RAP1A: variants seen among roughly 807,000 people sequenced by gnomAD.
The protein encoded by RAP1A is ras-related protein Rap-1A.
RAP1A carries 6 observed loss-of-function variants against 26.4 expected under a neutral mutation model. The ratio of observed to expected loss-of-function variants is 0.23; its 90% CI spans 0.12 to 0.45. The LOEUF is 0.45. Ranked by LOEUF, RAP1A falls within the 20% of genes least tolerant of loss-of-function variation. The pLI is 0.99. For synonymous variants in RAP1A, 73 were observed against 79.4 expected (o/e 0.92, Z 0.43); for missense variants, 121 against 217.2 (o/e 0.56, Z 2.78).
intron 1 of RAP1A, among the ~76,000 whole-genome samples, chr1:111,594,594 G>GAGGA (rs138889267): frequency 0.18 from 26,742 of 148,134 alleles, 3,073 homozygotes; most frequent in African/African-American, 0.33. Flanking sequence ...GGAAGGGAGG[G>GAGGA]AGGAAGGAAG....
At chr1:111,674,853 C>G (rs1661076014) in intron 1 of RAP1A, among the ~76,000 whole-genome samples, 1 of 152,194 alleles carries the variant, frequency 6.6e-6, no homozygotes, top group African/African-American at 2.4e-5. Context: ...ACTCGAGTTA[C>G]TGCAGTAGCT....
At chr1:111,587,584 A>G (rs1355061853) in intron 1 of RAP1A, among the ~76,000 whole-genome samples, 1 of 152,086 alleles carries the variant, frequency 6.6e-6, no homozygotes, top group African/African-American at 2.4e-5. Flanking sequence ...AAATATTATC[A>G]TCTCTAATCT....
chr1:111,580,272 C>T (rs1658229465), intron 1 of RAP1A, among the ~76,000 whole-genome samples: 3 of 152,100 alleles, frequency 2.0e-5, no homozygotes, highest in African/African-American at 7.2e-5. Flanking sequence ...ACAAAAGTGC[C>T]AAATATTTGC....
intron 1 of RAP1A, among the ~76,000 whole-genome samples, chr1:111,675,647 G>A (rs1221738153): frequency 1.3e-5 from 2 of 151,970 alleles, no homozygotes; most frequent in African/African-American, 4.8e-5. Flanking sequence ...TTGTTTCCTT[G>A]ACACCTAGTA....
chr1:111,595,753 G>T (rs1370593642), intron 1 of RAP1A, among the ~76,000 whole-genome samples: 1 of 152,122 alleles, frequency 6.6e-6, no homozygotes, highest in African/African-American at 2.4e-5. Flanking sequence ...TCCATCATTT[G>T]CCAAATAGCT....
At position 111,561,990 on chromosome 1, in the gene RAP1A, G is replaced by A. The variant is rs12760366; in HGVS notation, c.-28+19481G>A. 1.1e-3 allele frequency among the ~76,000 whole-genome samples: 173 copies of A among 152,114 alleles called. 2 individuals are homozygous for A. Among genetic ancestry groups the A allele is most frequent in the East Asian group, 2.7e-3 (14 of 5,174 alleles). ...ATCCCTAGTTTAAATTTCTGCTTAC[G>A]ATAGAATTCAAACCCTCCACACTCT... On this transcript the variant is annotated intron_variant, in intron 1 of 7. Transcript: ENST00000356415.
intron 1 of RAP1A, among the ~76,000 whole-genome samples, chr1:111,592,878 G>C (rs1014638888): frequency 5.3e-5 from 8 of 152,202 alleles, no homozygotes; most frequent in African/African-American, 1.9e-4. Flanking sequence ...TGGCTCTTCT[G>C]AGTAAAGTGG....
At position 111,709,060 on chromosome 1, in the gene RAP1A, A is replaced by G. The variant is rs564565915; in HGVS notation, c.469-89A>G. 16 of 1,435,714 alleles carry G rather than the reference A, an allele frequency of 1.1e-5. No homozygotes were observed. In the South Asian group the frequency reaches 2.5e-4, roughly 23 times the overall value. The allele number at this position is 1,435,714 out of a possible 1,614,324, so 88.9% of individuals were successfully genotyped here. A position where few individuals can be genotyped will look rare whatever the true frequency, so the allele number is the denominator to read the frequency against. Reference sequence around the variant, plus strand: ...AAGAAAGAAGCAGAATGCAGATCTAAGACCAGAATAGTACTTACCAGAATT... The same window carrying G: ...AAGAAAGAAGCAGAATGCAGATCTAGGACCAGAATAGTACTTACCAGAATT... On this transcript the variant is annotated intron_variant, in intron 6 of 7. Coordinates refer to ENST00000369709, the MANE Select transcript of RAP1A (RefSeq NM_002884.4).
At chr1:111,694,714 A>G (rs1661775081) in intron 2 of RAP1A, among the ~76,000 whole-genome samples, 1 of 152,238 alleles carries the variant, frequency 6.6e-6, no homozygotes, top group Admixed American at 6.5e-5. Context: ...TGAAATTTGA[A>G]TGTGGTTATA....
At position 111,572,781 on chromosome 1, in the gene RAP1A, G is replaced by C. The variant is rs144591878; in HGVS notation, c.-28+30272G>C. Among the ~76,000 whole-genome samples, 6 of 152,230 alleles carry C rather than the reference G, an allele frequency of 3.9e-5. No individual in the cohort carries two copies. The East Asian group carries it at 1.2e-3, about 29-fold the overall frequency. On this transcript the variant is annotated intron_variant, in intron 1 of 7. Transcript: ENST00000356415. ...TTATTTTAGGTTCGGGGGTACATGTGCAGGTTTGCTATATAGGTAAACTCG... is the reference window on the plus strand; with the variant it reads ...TTATTTTAGGTTCGGGGGTACATGTCCAGGTTTGCTATATAGGTAAACTCG...
chr1:111,619,723 G>T, upstream of RAP1A: 1 of 393,536 alleles, frequency 2.5e-6, no homozygotes, highest in South Asian at 1.3e-4. Context: ...CCAACTTGGA[G>T]GGGCGGGGCA....
intron 1 of RAP1A, among the ~76,000 whole-genome samples, chr1:111,683,503 A>G (rs1208942451): frequency 6.6e-6 from 1 of 152,256 alleles, no homozygotes; most frequent in African/African-American, 2.4e-5. Flanking sequence ...TCCCACAGTA[A>G]TACAAACTAC....
At chr1:111,579,766 T>G (rs555625772) in intron 1 of RAP1A, among the ~76,000 whole-genome samples, 1 of 151,972 alleles carries the variant, frequency 6.6e-6, no homozygotes, top group Non-Finnish European at 1.5e-5. Context: ...AAATCTATTT[T>G]AAAATAAAGT....
chr1:111,568,130 C>A (rs1657964561), intron 1 of RAP1A, among the ~76,000 whole-genome samples: 1 of 152,136 alleles, frequency 6.6e-6, no homozygotes. Context: ...CACCTTAGCC[C>A]CTCTAGGCTA....
chr1:111,686,342 T>C (rs1205608832), intron 1 of RAP1A, among the ~76,000 whole-genome samples: 1 of 152,138 alleles, frequency 6.6e-6, no homozygotes, highest in Non-Finnish European at 1.5e-5. Flanking sequence ...TTCACACCTA[T>C]AATTCCAACA....
intron 1 of RAP1A, among the ~76,000 whole-genome samples, chr1:111,630,548 A>G (rs1182862127): frequency 6.6e-6 from 1 of 152,216 alleles, no homozygotes; most frequent in Non-Finnish European, 1.5e-5. Context: ...CCCAAATGCC[A>G]TGAAGAAACT....
intron 1 of RAP1A, among the ~76,000 whole-genome samples, chr1:111,652,857 G>T (rs776103845): frequency 4.6e-5 from 7 of 151,922 alleles, no homozygotes; most frequent in Non-Finnish European, 5.9e-5. Context: ...CAATGAAAAA[G>T]AATAAATAAA....
intron 1 of RAP1A, among the ~76,000 whole-genome samples, chr1:111,557,862 G>A (rs1657566283): frequency 6.6e-6 from 1 of 152,144 alleles, no homozygotes; most frequent in Non-Finnish European, 1.5e-5. Flanking sequence ...ATTAATCTGA[G>A]TAACAGCACT....
intron 1 of RAP1A, among the ~76,000 whole-genome samples, chr1:111,596,219 T>A (rs972534914): frequency 6.6e-6 from 1 of 152,110 alleles, no homozygotes; most frequent in African/African-American, 2.4e-5. Flanking sequence ...AACATTCTTT[T>A]GAGGATCCCT....
Sources: allele counts gnomAD v4.1 joint callset (sites outside exome capture counted in the v4.1 genomes callset), GRCh38; gene constraint gnomAD v4.1.1; transcripts MANE v1.5; gene names NCBI Gene and HGNC (gene_info 2026-07-23, HGNC 2026-07-21).